MAPK6: variants seen among roughly 807,000 people sequenced by gnomAD.
The protein encoded by MAPK6 is ERK-3.
In MAPK6, 19 loss-of-function variants were observed where a neutral mutation model predicts 59.3. That is an observed-to-expected ratio of 0.32 (90% CI 0.22 to 0.47). MAPK6 has a LOEUF of 0.47. Ranked by LOEUF, MAPK6 falls within the 20% of genes least tolerant of loss-of-function variation. The pLI, the probability that MAPK6 is intolerant of heterozygous loss-of-function variation, is 1.00. For missense variants in MAPK6, 724 were observed against 847.9 expected (o/e 0.85, Z 1.81); for synonymous variants, 316 against 290.3 (o/e 1.09, Z -0.90).
chr15:52,063,467 C>T (rs561336151), intron 5 of MAPK6, among the ~76,000 whole-genome samples: 1 of 152,294 alleles, frequency 6.6e-6, no homozygotes, highest in South Asian at 2.1e-4. Context: ...CACGTATACA[C>T]AGGGAGATTT....
intron 1 of MAPK6, among the ~76,000 whole-genome samples, chr15:52,025,297 T>G (rs1162336111): frequency 6.6e-6 from 1 of 152,126 alleles, no homozygotes; most frequent in Non-Finnish European, 1.5e-5. Flanking sequence ...GCTCAGCTCG[T>G]TAGTCTTCTG....
chr15:52,035,483 G>A (rs1024934929), intron 1 of MAPK6: 4 of 152,264 alleles, frequency 2.6e-5, no homozygotes, highest in Non-Finnish European at 5.9e-5. Context: ...AATTAGCCAG[G>A]TGTGGCGGTA....
chr15:51,976,936 C>G (rs527321339), intron 1 of MAPK6, among the ~76,000 whole-genome samples: 1 of 151,748 alleles, frequency 6.6e-6, no homozygotes, highest in South Asian at 2.1e-4. Flanking sequence ...GAGCAAGACT[C>G]TGTCTCAAAA....
chr15:51,987,319 A>T (rs1248448010), intron 2 of MAPK6, among the ~76,000 whole-genome samples: 2 of 152,192 alleles, frequency 1.3e-5, no homozygotes, highest in Non-Finnish European at 2.9e-5. Context: ...AAATCCACCT[A>T]TTCAGGCTGG....
At chr15:52,027,749 C>A (rs912558665) in intron 1 of MAPK6, 3 of 146,408 alleles carry the variant, frequency 2.0e-5, no homozygotes, top group African/African-American at 7.5e-5. Flanking sequence ...GTTGATTTCT[C>A]TTTATTTATT....
At chr15:52,009,931 C>A (rs928287004) in intron 3 of MAPK6, among the ~76,000 whole-genome samples, 5 of 151,806 alleles carry the variant, frequency 3.3e-5, no homozygotes, top group African/African-American at 1.2e-4. Flanking sequence ...CGCCACCATG[C>A]CCGGCTACTT....
At chr15:52,055,029 C>T (rs1056378932) in intron 3 of MAPK6, among the ~76,000 whole-genome samples, 2 of 152,204 alleles carry the variant, frequency 1.3e-5, no homozygotes. Flanking sequence ...ATCTGTGTGC[C>T]TTGGCCTCCC....
intron 1 of MAPK6, among the ~76,000 whole-genome samples, chr15:51,977,645 T>C (rs1449756122): frequency 6.6e-6 from 1 of 151,860 alleles, no homozygotes. Context: ...CAACTGATCC[T>C]CCCACCTCGG....
intron 1 of MAPK6, among the ~76,000 whole-genome samples, chr15:51,975,552 A>G (rs906115864): frequency 2.0e-5 from 3 of 151,852 alleles, no homozygotes; most frequent in Non-Finnish European, 4.4e-5. Flanking sequence ...AAAAAAAAGT[A>G]TAAAATATAT....
At chr15:51,998,776 C>T (rs2057233784) in intron 2 of MAPK6, among the ~76,000 whole-genome samples, 1 of 142,348 alleles carries the variant, frequency 7.0e-6, no homozygotes. Context: ...CTGCAAGCTC[C>T]GCCTCCTGGG....
intron 3 of MAPK6, chr15:52,057,240 C>A (rs747573941): frequency 6.6e-6 from 1 of 151,570 alleles, no homozygotes; most frequent in Admixed American, 6.6e-5. Flanking sequence ...GTTACCACAT[C>A]GCAGCCAGGG....
At chr15:52,028,422 G>T (rs1257782448) in intron 1 of MAPK6, among the ~76,000 whole-genome samples, 1 of 152,138 alleles carries the variant, frequency 6.6e-6, no homozygotes. Context: ...CCTCGTTCTT[G>T]CCTACATCAT....
chr15:52,013,628 TA>T (rs1244926234), intron 3 of MAPK6, among the ~76,000 whole-genome samples: 6 of 152,186 alleles, frequency 3.9e-5, no homozygotes, highest in African/African-American at 1.4e-4. Context: ...CTAGTAAAGG[TA>T]CAATAACCAT....
Position 51,975,801 on chromosome 15 carries a change from T to C in MAPK6, c.-880+3895T>C, listed in dbSNP as rs112444179. 7.5e-3 allele frequency among the ~76,000 whole-genome samples: 1,135 copies of C among 151,904 alleles called. 19 individuals carry two copies. The highest frequency in any genetic ancestry group is 0.026 in the African/African-American group (1,092 of 41,532). On this transcript the variant is annotated intron_variant, in intron 1 of 7. Coordinates refer to the MAPK6 transcript ENST00000691380. ...AATTAAAGAGAGCAAGAGAGGAACC[T>C]TGTAGTTTCTCTCTATAGCAGTAAG...
intron 3 of MAPK6, among the ~76,000 whole-genome samples, chr15:52,010,198 C>T (rs966426672): frequency 6.6e-6 from 1 of 152,126 alleles, no homozygotes; most frequent in African/African-American, 2.4e-5. Context: ...ATTGCTATTA[C>T]CATTCTCCTG....
chr15:52,022,118 G>A (rs534915578), intron 1 of MAPK6, among the ~76,000 whole-genome samples: 7 of 152,162 alleles, frequency 4.6e-5, no homozygotes, highest in African/African-American at 1.7e-4. Flanking sequence ...GAGGCCAGGA[G>A]TTCAAGACCA....
intron 3 of MAPK6, among the ~76,000 whole-genome samples, chr15:52,052,540 G>A (rs2031816703): frequency 6.6e-6 from 1 of 151,726 alleles, no homozygotes; most frequent in Non-Finnish European, 1.5e-5. Flanking sequence ...GAAAGATCCT[G>A]CAAACCATTA....
At chr15:52,021,922 G>A (rs1459203249) in intron 1 of MAPK6, among the ~76,000 whole-genome samples, 2 of 152,022 alleles carry the variant, frequency 1.3e-5, no homozygotes, top group African/African-American at 2.4e-5. Flanking sequence ...ACAGTTCTAA[G>A]TTGAAACTTG....
intron 1 of MAPK6, among the ~76,000 whole-genome samples, chr15:51,976,110 T>C (rs1435866281): frequency 1.3e-5 from 2 of 148,808 alleles, no homozygotes; most frequent in East Asian, 1.9e-4. Context: ...ACTAAAAATA[T>C]AAAAAATTTG....
Sources: allele counts gnomAD v4.1 joint callset (sites outside exome capture counted in the v4.1 genomes callset), GRCh38; gene constraint gnomAD v4.1.1; transcripts MANE v1.5; gene names NCBI Gene and HGNC (gene_info 2026-07-23, HGNC 2026-07-21).